ADAMTS20: variants seen among roughly 807,000 people sequenced by gnomAD.
ADAMTS20 encodes A disintegrin and metalloproteinase with thrombospondin motifs 20.
Under a neutral mutation model 260.1 loss-of-function variants are expected in ADAMTS20, and 225 were observed. The observed-to-expected ratio is 0.87, with a 90% CI of 0.78 to 0.97. The LOEUF is 0.97. Among genes scored for constraint, ADAMTS20 ranks in the 50% least tolerant of loss-of-function variants. The pLI, the probability that ADAMTS20 is intolerant of heterozygous loss-of-function variation, is 0.00. For missense variants in ADAMTS20, 2,400 were observed against 2,337.7 expected (o/e 1.03, Z -0.55); for synonymous variants, 802 against 769.5 (o/e 1.04, Z -0.70).
intron 3 of ADAMTS20, among the ~76,000 whole-genome samples, chr12:43,523,204 G>A (rs1943095490): frequency 6.6e-6 from 1 of 152,150 alleles, no homozygotes; most frequent in African/African-American, 2.4e-5. Context: ...CACAGGGCAA[G>A]GCCTTAACCA....
chr12:43,478,679 A>T (rs986729098), intron 7 of ADAMTS20, among the ~76,000 whole-genome samples: 2 of 152,346 alleles, frequency 1.3e-5, no homozygotes, highest in East Asian at 3.9e-4. Context: ...CAGATTTCTC[A>T]ATAGCAAAAG....
rs77277409 is a variant in ADAMTS20 at position 43,502,358 on chromosome 12, T to C, written c.661A>G (p.Met221Val). The C allele has an allele frequency of 8.7e-6, 14 of 1,608,612 alleles. No individual in the cohort carries two copies. In the African/African-American group the frequency reaches 1.9e-4, roughly 22 times the overall value. Residue 221 changes from methionine to valine, a missense_variant, in exon 4 of 39, where the codon ATG becomes GTG. Coordinates refer to ENST00000389420, the MANE Select transcript of ADAMTS20 (RefSeq NM_025003.5). ...TSLPFHTYSN[M>V]NEDLNVMKER... is the part of the protein sequence containing the mutation. ...TTCATTACATTAAGATCTTCATTCA[T>C]GTTGCTGTAGGTATGAAAGGGTAAA...
rs1161740021 is a variant in ADAMTS20 at position 43,460,988 on chromosome 12, A to ATTT, written c.1614+1904_1614+1906dup. Among the ~76,000 whole-genome samples, 31 of 26,396 alleles carry ATTT rather than the reference A, an allele frequency of 1.2e-3. 1 individual carries two copies. The highest frequency in any genetic ancestry group is 3.3e-3 in the Admixed American group (4 of 1,204). The allele number at this position is 26,396 out of a possible 152,430, so 17.3% of individuals were successfully genotyped here. A position where few individuals can be genotyped will look rare whatever the true frequency, so the allele number is the denominator to read the frequency against. On this transcript the variant is annotated intron_variant, in intron 11 of 38. Coordinates refer to ENST00000389420, the MANE Select transcript of ADAMTS20 (RefSeq NM_025003.5). ...ATTATATATATATATATATATATAT[A>ATTT]TTTTTTTTTTTTTTTTTTTTTTTGA...
intron 29 of ADAMTS20, among the ~76,000 whole-genome samples, chr12:43,398,591 A>G (rs1303280227): frequency 2.0e-5 from 3 of 152,168 alleles, no homozygotes; most frequent in Non-Finnish European, 4.4e-5. Context: ...GGTAGAAACA[A>G]GGCAGTTACT....
chr12:43,529,607 T>A (rs1329053094), intron 3 of ADAMTS20, among the ~76,000 whole-genome samples: 1 of 152,014 alleles, frequency 6.6e-6, no homozygotes, highest in Non-Finnish European at 1.5e-5. Flanking sequence ...ACGCTATGAG[T>A]ATGCAAAGGC....
chr12:43,467,272 T>G (rs1942171566), intron 8 of ADAMTS20, among the ~76,000 whole-genome samples: 1 of 152,050 alleles, frequency 6.6e-6, no homozygotes, highest in African/African-American at 2.4e-5. Flanking sequence ...CCCTAAATAC[T>G]ATTTTAGGTC....
At chr12:43,477,761 G>C (rs1039625837) in intron 7 of ADAMTS20, among the ~76,000 whole-genome samples, 1 of 152,088 alleles carries the variant, frequency 6.6e-6, no homozygotes, top group Non-Finnish European at 1.5e-5. Flanking sequence ...AATAAGGATA[G>C]ATGCTATTCT....
At chr12:43,487,207 T>C (rs1397594207) in intron 7 of ADAMTS20, among the ~76,000 whole-genome samples, 1 of 152,146 alleles carries the variant, frequency 6.6e-6, no homozygotes, top group Non-Finnish European at 1.5e-5. Flanking sequence ...ATGTGGTATG[T>C]ATACACCATG....
Position 43,551,865 on chromosome 12 carries a change from G to A in ADAMTS20, c.57C>T (p.Thr19=). The change falls in exon 1 of 39, where the codon ACC becomes ACT. Residue 19 remains threonine, a synonymous_variant. Transcript: ENST00000389420. This position sits in a 1 kb window ranked among gnomAD's most constrained non-coding sequence, Gnocchi z 4.6. The part of the protein sequence containing the change: ...GLLYHLSLFI[T]RSWEVDFHPR... ...GGTGGAAGTCAACTTCCCAAGACCT[G>A]GTGATGAAGAGCGAGAGATGGTAGA... 6.2e-7 allele frequency: 1 copy of A among 1,613,750 alleles called. No individual in the cohort carries two copies. The highest frequency in any genetic ancestry group is 8.5e-7 in the Non-Finnish European group (1 of 1,179,742).
At chr12:43,463,154 CATTA>C (rs1420858360) in intron 10 of ADAMTS20, among the ~76,000 whole-genome samples, 155 bp from the exon 11 acceptor site, 1 of 152,098 alleles carries the variant, frequency 6.6e-6, no homozygotes, top group Non-Finnish European at 1.5e-5. Context: ...AAGTTCTAGT[CATTA>C]ATTTTCTTCT....
chr12:43,466,510 C>CTTTTTTTTTTTTTTTTTTTTTT (rs1942154946), intron 9 of ADAMTS20, 142 bp downstream of exon 9: 1 of 656,830 alleles, frequency 1.5e-6, no homozygotes, highest in African/African-American at 1.8e-5. Flanking sequence ...TCTTCTTGTT[C>CTTTTTTTTTTTTTTTTTTTTTT]TTAAACATCC....
chr12:43,376,856 T>A (rs902701559), intron 32 of ADAMTS20, among the ~76,000 whole-genome samples: 2 of 152,196 alleles, frequency 1.3e-5, no homozygotes, highest in African/African-American at 4.8e-5. Flanking sequence ...AATCTATTAT[T>A]TCTCAGTTAC....
chr12:43,497,152 C>T (rs549818117), intron 4 of ADAMTS20, among the ~76,000 whole-genome samples: 2 of 152,070 alleles, frequency 1.3e-5, no homozygotes, highest in African/African-American at 4.8e-5. Context: ...GTTTCCTTCA[C>T]TTAAGTAGTT....
rs557087050 is a variant in ADAMTS20, at chr12:43,433,320, G to C, written c.2721-509C>G. On this transcript the variant is annotated intron_variant, in intron 19 of 38. Transcript: ENST00000389420. ...TCCAGGTAAAACATGTCTTCCACAA[G>C]TAAAAATGTTAGTTATAGCCAAATT... 4.6e-5 allele frequency among the ~76,000 whole-genome samples: 7 copies of C among 152,194 alleles called. No individual in the cohort carries two copies. In the East Asian group the frequency reaches 1.2e-3, roughly 25 times the overall value.
chr12:43,459,180 T>C (rs543485694), intron 11 of ADAMTS20, among the ~76,000 whole-genome samples: 7 of 152,302 alleles, frequency 4.6e-5, no homozygotes, highest in African/African-American at 1.2e-4. Context: ...CTACCACTGC[T>C]GTTTGCTGCC....
chr12:43,445,152 G>A (rs1294292373), intron 15 of ADAMTS20, among the ~76,000 whole-genome samples: 2 of 152,104 alleles, frequency 1.3e-5, no homozygotes, highest in African/African-American at 4.8e-5. Flanking sequence ...GCAGAAATGT[G>A]ACAAATGCTA....
intron 38 of ADAMTS20, 60 bp from the exon 39 acceptor site, chr12:43,354,358 T>G (rs573737686): frequency 3.1e-6 from 4 of 1,283,858 alleles, no homozygotes; most frequent in Non-Finnish European, 2.2e-6. Context: ...TGTATGCAAA[T>G]AGCAGAAAAA....
intron 4 of ADAMTS20, among the ~76,000 whole-genome samples, chr12:43,495,445 A>G (rs1246569236): frequency 6.6e-6 from 1 of 152,222 alleles, no homozygotes; most frequent in Non-Finnish European, 1.5e-5. Flanking sequence ...CCAGGATCAT[A>G]GGGATCAATC....
intron 3 of ADAMTS20, among the ~76,000 whole-genome samples, chr12:43,502,682 C>T (rs1005690438): frequency 2.6e-5 from 4 of 151,882 alleles, no homozygotes; most frequent in Non-Finnish European, 5.9e-5. Context: ...GAAGGTATGA[C>T]GATTCAAAAG....
Sources: gnomAD v4.1 joint callset for allele counts (sites outside exome capture counted in the v4.1 genomes callset) on GRCh38, gnomAD v4.1.1 for gene constraint, Gnocchi (gnomAD v3.1) non-coding constraint, MANE v1.5 for transcripts, NCBI Gene and HGNC (gene_info 2026-07-23, HGNC 2026-07-21) for gene names.